ENTREP2: variants seen among roughly 807,000 people sequenced by gnomAD.
ENTREP2 encodes endosomal transmembrane epsin interactor 2.
the ENTREP2 span, chr15:29,234,277 T>C: frequency 1.2e-6 from 2 of 1,612,554 alleles, no homozygotes; most frequent in Non-Finnish European, 1.7e-6. Flanking sequence ...TAAGTTCTCG[T>C]GCTGTATCAT....
At chr15:29,287,932 G>A in the ENTREP2 span, among the ~76,000 whole-genome samples, 40 of 152,328 alleles carry the variant, frequency 2.6e-4, no homozygotes, top group Non-Finnish European at 5.0e-4. Flanking sequence ...AGAGAATCCA[G>A]AAAGTGACCC....
the ENTREP2 span, among the ~76,000 whole-genome samples, chr15:29,181,978 G>A: frequency 6.6e-6 from 1 of 152,092 alleles, no homozygotes; most frequent in South Asian, 2.1e-4. Flanking sequence ...AGTGCAGGAA[G>A]ATGGGAAAAA....
At chr15:29,213,908 C>T in the ENTREP2 span, among the ~76,000 whole-genome samples, 655 of 152,288 alleles carry the variant, frequency 4.3e-3, 2 homozygotes, top group African/African-American at 0.015. Flanking sequence ...CAAAAGAAGA[C>T]ATTTATGCAG....
the ENTREP2 span, among the ~76,000 whole-genome samples, chr15:29,490,983 G>A: frequency 3.3e-5 from 5 of 152,218 alleles, no homozygotes; most frequent in Non-Finnish European, 7.3e-5. Flanking sequence ...CCACTGCAGG[G>A]GGCAGCATGG....
At chr15:29,603,478 C>T in the ENTREP2 span, among the ~76,000 whole-genome samples, 2 of 152,208 alleles carry the variant, frequency 1.3e-5, no homozygotes, top group East Asian at 1.9e-4. Context: ...AGAAAAGAAC[C>T]TGCAAAGATG....
chr15:29,384,071 C>T, the ENTREP2 span, among the ~76,000 whole-genome samples: 6 of 152,176 alleles, frequency 3.9e-5, no homozygotes, highest in Non-Finnish European at 8.8e-5. Flanking sequence ...CCTGAAACCT[C>T]TCTCTTGCCT....
chr15:29,641,495 CA>C, the ENTREP2 span, among the ~76,000 whole-genome samples: 1 of 152,032 alleles, frequency 6.6e-6, no homozygotes, highest in African/African-American at 2.4e-5. Flanking sequence ...ATCAAAAAAT[CA>C]GTTGTATTTC....
the ENTREP2 span, among the ~76,000 whole-genome samples, chr15:29,328,158 G>A: frequency 6.6e-6 from 1 of 152,196 alleles, no homozygotes; most frequent in Admixed American, 6.5e-5. Flanking sequence ...AATGCATATT[G>A]CTATGTGAAA....
chr15:29,442,218 T>C, the ENTREP2 span, among the ~76,000 whole-genome samples: 1 of 152,192 alleles, frequency 6.6e-6, no homozygotes, highest in Non-Finnish European at 1.5e-5. Flanking sequence ...CAAAATCAGA[T>C]AAGCGTTATA....
the ENTREP2 span, among the ~76,000 whole-genome samples, chr15:29,283,493 C>A: frequency 6.6e-6 from 1 of 152,132 alleles, no homozygotes; most frequent in African/African-American, 2.4e-5. Context: ...GGATTACAGG[C>A]ATAAGCCATC....
chr15:29,158,996 T>C, the ENTREP2 span, among the ~76,000 whole-genome samples: 1 of 152,098 alleles, frequency 6.6e-6, no homozygotes. Context: ...TGTACATACA[T>C]ATAGCCTACA....
the ENTREP2 span, among the ~76,000 whole-genome samples, chr15:29,316,763 A>G: frequency 6.6e-6 from 1 of 152,226 alleles, no homozygotes; most frequent in Non-Finnish European, 1.5e-5. Flanking sequence ...GGTTCAGATA[A>G]TAACTCTGCT....
the ENTREP2 span, among the ~76,000 whole-genome samples, chr15:29,654,982 G>C: frequency 6.6e-6 from 1 of 152,144 alleles, no homozygotes; most frequent in Non-Finnish European, 1.5e-5. Flanking sequence ...TAGTTATGCT[G>C]TTTCTATCTC....
the ENTREP2 span, among the ~76,000 whole-genome samples, chr15:29,241,258 C>G: frequency 1.3e-5 from 2 of 152,174 alleles, no homozygotes; most frequent in African/African-American, 4.8e-5. Context: ...GTACTCTCTG[C>G]TGCCTTTCAA....
At chr15:29,576,350 AAG>A in the ENTREP2 span, among the ~76,000 whole-genome samples, 1 of 152,226 alleles carries the variant, frequency 6.6e-6, no homozygotes, top group African/African-American at 2.4e-5. Flanking sequence ...ACCTAAATAA[AAG>A]AGCAAAAACT....
chr15:29,381,751 C>T, the ENTREP2 span: 1 of 1,550,012 alleles, frequency 6.5e-7, no homozygotes, highest in Non-Finnish European at 8.7e-7. Flanking sequence ...TCCAAGGCCA[C>T]CTGGAGACGC....
the ENTREP2 span, among the ~76,000 whole-genome samples, chr15:29,406,897 G>C: frequency 6.6e-6 from 1 of 151,954 alleles, no homozygotes; most frequent in Non-Finnish European, 1.5e-5. Flanking sequence ...ATTCAGTATT[G>C]GCATTATTAT....
the ENTREP2 span, among the ~76,000 whole-genome samples, chr15:29,383,183 G>A: frequency 6.6e-6 from 1 of 152,138 alleles, no homozygotes; most frequent in African/African-American, 2.4e-5. Flanking sequence ...ATCTGCACAG[G>A]TGATTCTCAG....
At chr15:29,616,101 C>G in the ENTREP2 span, among the ~76,000 whole-genome samples, 43 of 152,330 alleles carry the variant, frequency 2.8e-4, no homozygotes, top group African/African-American at 1.0e-3. Flanking sequence ...AGACAATGTA[C>G]CCTGAACAAT....
Sources: gnomAD v4.1 joint callset for allele counts (sites outside exome capture counted in the v4.1 genomes callset) on GRCh38, gnomAD v4.1.1 for gene constraint, MANE v1.5 for transcripts, NCBI Gene and HGNC (gene_info 2026-07-23, HGNC 2026-07-21) for gene names.